Variants in TSPEAR observed in about 807,000 individuals in gnomAD.
TSPEAR encodes the protein thrombospondin-type laminin G domain and EAR repeat-containing protein.
In TSPEAR, 69 loss-of-function variants were observed where a neutral mutation model predicts 71.6. That is an observed-to-expected ratio of 0.96 (90% CI 0.79 to 1.18). The LOEUF (loss-of-function observed/expected upper bound fraction) is 1.18. Among genes scored for constraint, TSPEAR ranks in the 50% most tolerant of loss-of-function variants. TSPEAR has a pLI of 0.00. For missense variants in TSPEAR, 971 were observed against 894.9 expected, an observed-to-expected ratio of 1.09 and a Z score of -1.09; for synonymous variants, 402 against 387.2, an observed-to-expected ratio of 1.04 and a Z score of -0.45.
chr21:44,539,361 G>A (rs782688061), intron 2 of TSPEAR: 26 of 1,612,672 alleles, frequency 1.6e-5, no homozygotes, highest in Non-Finnish European at 2.0e-5. Flanking sequence ...GAGGCCGGGC[G>A]GCAGCAGCTG....
Position 44,612,824 on chromosome 21 carries a change from C to T in TSPEAR, c.83-44819G>A. On this transcript the variant is annotated intron_variant, in intron 1 of 11. Transcript: ENST00000323084. The surrounding 1 kb of genome is among the most constrained non-coding windows in gnomAD (Gnocchi z 4.1). Reference sequence around the variant, plus strand: ...CTCCTGCCAGCCCAGCTGCTGCCACCCGGCCTCCTGCCTGTCCTTCCTCTG... The same window carrying T: ...CTCCTGCCAGCCCAGCTGCTGCCACTCGGCCTCCTGCCTGTCCTTCCTCTG... 1 of 1,612,986 alleles carries T rather than the reference C, an allele frequency of 6.2e-7. No homozygotes were observed. The highest frequency in any genetic ancestry group is 1.3e-5 in the African/African-American group (1 of 74,994).
At chr21:44,705,271 G>A (rs1471355442) in intron 1 of TSPEAR, among the ~76,000 whole-genome samples, 1 of 152,138 alleles carries the variant, frequency 6.6e-6, no homozygotes, top group African/African-American at 2.4e-5. Context: ...CCTGTCAGTT[G>A]AGGAGGGTGT....
At chr21:44,644,800 A>G (rs1984216345) in intron 1 of TSPEAR, among the ~76,000 whole-genome samples, 2 of 152,226 alleles carry the variant, frequency 1.3e-5, no homozygotes, top group Non-Finnish European at 2.9e-5. Context: ...ATGGAAAAAC[A>G]CTTCGGAGAT....
chr21:44,512,217 AAGGTCACTGGGGAGCCGG>A (rs1196774639), intron 9 of TSPEAR, among the ~76,000 whole-genome samples: 2 of 152,176 alleles, frequency 1.3e-5, no homozygotes, highest in African/African-American at 4.8e-5. Context: ...CCTCCAGGCA[AAGGTCACTGGGGAGCCGG>A]AGGAGGCTTT....
At chr21:44,582,209 G>T (rs455562) in intron 1 of TSPEAR, among the ~76,000 whole-genome samples, 138,994 of 152,244 alleles carry the variant, frequency 0.91, 63,896 homozygotes, top group Non-Finnish European at 0.97. Flanking sequence ...ACCGCGTGAG[G>T]GGTGACTCTG....
chr21:44,682,158 G>A, intron 1 of TSPEAR: 1 of 1,604,098 alleles, frequency 6.2e-7, no homozygotes, highest in East Asian at 2.2e-5. Context: ...GAGGCAGAGG[G>A]CAGTGATGTC....
intron 1 of TSPEAR, chr21:44,697,023 GA>G: frequency 6.7e-6 from 6 of 889,782 alleles, no homozygotes; most frequent in Admixed American, 3.5e-5. Flanking sequence ...CCAGCACCCA[GA>G]CGCTCACTCA....
intron 10 of TSPEAR, among the ~76,000 whole-genome samples, chr21:44,507,267 A>C (rs1375343444): frequency 1.3e-5 from 2 of 152,106 alleles, no homozygotes; most frequent in African/African-American, 4.8e-5. Flanking sequence ...GTCTGCAGCC[A>C]TGGCTGCACA....
chr21:44,499,744 C>A lies in TSPEAR; in HGVS notation c.*39G>T. The A allele has an allele frequency of 6.5e-7, 1 of 1,527,282 alleles. No individual in the cohort carries two copies. Among genetic ancestry groups the A allele is most frequent in the Non-Finnish European group, 8.8e-7 (1 of 1,137,388 alleles). The allele number at this position is 1,527,282 out of a possible 1,614,324, so 94.6% of individuals were successfully genotyped here. A position where few individuals can be genotyped will look rare whatever the true frequency, so the allele number is the denominator to read the frequency against. The stretch of plus-strand genomic sequence containing the variant: ...TTGGGGGAGGTGCTGGGGTCCCGCC[C>A]CACCTGGCCACCCCAGTTGCTGCCG... On this transcript the variant is annotated 3_prime_UTR_variant, in exon 12 of 12. Coordinates refer to ENST00000323084, the MANE Select transcript of TSPEAR (RefSeq NM_144991.3).
chr21:44,503,477 G>C (rs1427202902), intron 11 of TSPEAR, among the ~76,000 whole-genome samples: 1 of 140,824 alleles, frequency 7.1e-6, no homozygotes, highest in Non-Finnish European at 1.5e-5. Flanking sequence ...TGAGCCCTCG[G>C]GGGGAAGAAA....
chr21:44,632,084 TAC>T (rs1171974391), intron 1 of TSPEAR, among the ~76,000 whole-genome samples: 2 of 152,206 alleles, frequency 1.3e-5, no homozygotes, highest in African/African-American at 4.8e-5. Context: ...TGTATTTAAC[TAC>T]AATAATTTTT....
At chr21:44,598,304 G>A (rs988460124) in intron 1 of TSPEAR, among the ~76,000 whole-genome samples, 12 of 152,140 alleles carry the variant, frequency 7.9e-5, no homozygotes, top group Admixed American at 6.5e-4. Context: ...TAAATTGTGC[G>A]GCGCAATCCC....
intron 1 of TSPEAR, among the ~76,000 whole-genome samples, chr21:44,659,080 C>A (rs1431402286): frequency 1.3e-5 from 2 of 152,162 alleles, no homozygotes; most frequent in African/African-American, 4.8e-5. Flanking sequence ...ATGCAAAGGG[C>A]CTGCCTAAGA....
intron 1 of TSPEAR, among the ~76,000 whole-genome samples, chr21:44,651,694 C>T (rs1312042964): frequency 6.6e-6 from 1 of 152,172 alleles, no homozygotes; most frequent in African/African-American, 2.4e-5. Context: ...ATTAGCCACA[C>T]CTTATGGTCC....
At position 44,600,573 on chromosome 21, in the gene TSPEAR, TTCAC is replaced by T. The variant is rs1436938420; in HGVS notation, c.83-32572_83-32569del. 3.3e-5 allele frequency: 44 copies of T among 1,345,228 alleles called. No homozygotes were observed. In the African/African-American group the frequency reaches 4.2e-4, roughly 13 times the overall value. The allele number at this position is 1,345,228 out of a possible 1,614,324, so 83.3% of individuals were successfully genotyped here. ...CCTAACACACGGACTCACTCACTCA[TTCAC>T]TCACTCACCCACTCACTCCCATCTC... is the stretch of plus-strand genomic sequence containing the variant. On this transcript the variant is annotated intron_variant, in intron 1 of 11. Transcript: ENST00000323084.
In TSPEAR at chr21:44,637,717, T is replaced by C. The variant is rs61029972; in HGVS notation, c.83-69712A>G. On this transcript the variant is annotated intron_variant, in intron 1 of 11. Coordinates refer to ENST00000323084, the MANE Select transcript of TSPEAR (RefSeq NM_144991.3). ...AGGCCTGCTGTGTGCCTGTCTGCTGTGTGCCCGTCTGCTGCGTGCCCGTCT... is the reference window on the plus strand; with the variant it reads ...AGGCCTGCTGTGTGCCTGTCTGCTGCGTGCCCGTCTGCTGCGTGCCCGTCT... The C allele has an allele frequency of 0.02, 17,047 of 848,560 alleles. 1,296 individuals are homozygous for C. In the African/African-American group the frequency reaches 0.31, roughly 15 times the overall value. The allele number at this position is 848,560 out of a possible 1,614,324, so 52.6% of individuals were successfully genotyped here. A position where few individuals can be genotyped will look rare whatever the true frequency, so the allele number is the denominator to read the frequency against.
chr21:44,538,048 G>A (rs2053120422), intron 2 of TSPEAR, among the ~76,000 whole-genome samples: 1 of 152,172 alleles, frequency 6.6e-6, no homozygotes, highest in Non-Finnish European at 1.5e-5. Flanking sequence ...TGGCATTTCT[G>A]TGCCTGTTCT....
At chr21:44,503,102 G>A (rs1319076130) in intron 11 of TSPEAR, among the ~76,000 whole-genome samples, 7 of 144,192 alleles carry the variant, frequency 4.9e-5, no homozygotes, top group South Asian at 4.4e-4. Context: ...ACTCTGGGAG[G>A]AGGCCGGCCT....
At chr21:44,536,736 A>C (rs2053096605) in intron 2 of TSPEAR, among the ~76,000 whole-genome samples, 2 of 152,204 alleles carry the variant, frequency 1.3e-5, no homozygotes, top group Non-Finnish European at 2.9e-5. Flanking sequence ...TGGAAATGAG[A>C]AGTTAAATTC....
Sources: allele counts gnomAD v4.1 joint callset (sites outside exome capture counted in the v4.1 genomes callset), GRCh38; gene constraint gnomAD v4.1.1; non-coding constraint Gnocchi (gnomAD v3.1); transcripts MANE v1.5; gene names NCBI Gene and HGNC (gene_info 2026-07-23, HGNC 2026-07-21).